The following CKM variants were observed in gnomAD, a reference collection of about 807,000 sequenced individuals.
The protein encoded by CKM is creatine kinase M-type.
A neutral mutation model predicts 35.4 loss-of-function variants in CKM; 28 were observed. The observed-to-expected ratio is 0.79, with a 90% CI of 0.59 to 1.08. CKM has a LOEUF of 1.08. Ranked by LOEUF, CKM falls within the 50% of genes least tolerant of loss-of-function variation. CKM has a pLI of 0.00. For missense variants in CKM, 484 were observed against 509.8 expected (o/e 0.95, Z 0.49); for synonymous variants, 215 against 204.4 (o/e 1.05, Z -0.44).
intron 1 of CKM, 103 bp downstream of exon 1, chr19:45,322,718 T>A: frequency 1.4e-6 from 1 of 696,952 alleles, no homozygotes; most frequent in Non-Finnish European, 1.8e-6. Context: ...AGGATGTTGG[T>A]GGAGCAAGGG....
chr19:45,308,721 C>G (rs561226503), intron 5 of CKM, among the ~76,000 whole-genome samples, 189 bp from the exon 6 acceptor site: 3 of 152,264 alleles, frequency 2.0e-5, no homozygotes, highest in East Asian at 3.9e-4. Context: ...ATCTGCAAAA[C>G]GCTGAATCCT....
At position 45,318,029 on chromosome 19, in the gene CKM, C is replaced by T. The variant is rs555903473; in HGVS notation, c.194-50G>A. The T allele has an allele frequency of 4.4e-5, 70 of 1,583,998 alleles. No individual in the cohort carries two copies. In the African/African-American group the frequency reaches 4.4e-4, roughly 10 times the overall value. ...AGCTGCTTGTCCCCAGCAAACAGGG[C>T]GTGGGCTTGTGGGCTCAGTGGAGCC... On this transcript the variant is annotated intron_variant, in intron 2 of 7. Coordinates refer to ENST00000221476, the MANE Select transcript of CKM (RefSeq NM_001824.5).
rs775597882 is a variant in CKM at position 45,311,777 on chromosome 19, G to C, written c.625C>G (p.Arg209Gly). Residue 209 changes from arginine (R) to glycine (G), a missense_variant, in exon 5 of 8, where the codon CGC becomes GGC. Physicochemically the swap from Arg to Gly is moderately radical, Grantham distance 125. Transcript: ENST00000221476. ...SPLLLASGMARDWPDARGIWH... is the reference protein window; with the variant it reads ...SPLLLASGMAGDWPDARGIWH... ...ATGCCACGGGCGTCGGGCCAGTCGC[G>C]GGCCATGCCTGAGGCCAGCAGCAGC... 3 of 1,600,418 alleles carry C rather than the reference G, an allele frequency of 1.9e-6. No individual in the cohort carries two copies. Among genetic ancestry groups the C allele is most frequent in the African/African-American group, 2.7e-5 (2 of 74,850 alleles).
intron 1 of CKM, 32 bp from the exon 2 acceptor site, chr19:45,319,763 G>C: frequency 1.3e-6 from 2 of 1,519,558 alleles, no homozygotes; most frequent in Non-Finnish European, 1.8e-6. Context: ...GAAGATTGAA[G>C]ATTAGCTGGC....
chr19:45,307,725 C>T lies in CKM; in HGVS notation c.778-75G>A, dbSNP rs2123129862. On this transcript the variant is annotated intron_variant, in intron 6 of 7. Transcript: ENST00000221476. The stretch of plus-strand genomic sequence containing the variant: ...ATGCACCCGCAACATGGACAGGGTC[C>T]GGAGGGACAGGGCGTGGGAACGTGG... The T allele has an allele frequency of 1.2e-5, 15 of 1,282,802 alleles. No homozygotes were observed. The South Asian group carries it at 1.9e-4, about 16-fold the overall frequency. 79.5% of individuals were successfully genotyped at this position (1,282,802 alleles called of 1,614,324 possible). A position where few individuals can be genotyped will look rare whatever the true frequency, so the allele number is the denominator to read the frequency against.
At chr19:45,312,709 T>G (rs1971121634) in intron 4 of CKM, among the ~76,000 whole-genome samples, 1 of 151,890 alleles carries the variant, frequency 6.6e-6, no homozygotes, top group Admixed American at 6.6e-5. Context: ...ATCCCAGCAC[T>G]TTGGGAGGCC....
intron 2 of CKM, 84 bp downstream of exon 2, chr19:45,319,437 T>G: frequency 2.0e-6 from 2 of 1,019,878 alleles, no homozygotes; most frequent in Non-Finnish European, 3.0e-6. Flanking sequence ...CCCCCCCCCC[T>G]TCAAGGGTGG....
chr19:45,313,929 C>A (rs1971132919), intron 4 of CKM, among the ~76,000 whole-genome samples: 1 of 151,938 alleles, frequency 6.6e-6, no homozygotes, highest in South Asian at 2.1e-4. Context: ...GGGAGACCAA[C>A]ATGGGAGGAT....
Position 45,315,617 on chromosome 19 carries a change from T to C in CKM, c.349-20A>G. On this transcript the variant is annotated intron_variant, in intron 3 of 7. Transcript: ENST00000221476. ...TCCACCCTGGAGAGCGGGTGGGAGA[T>C]CAGGACCAGGCAGATCCTCCGCCCT... is the stretch of plus-strand genomic sequence containing the variant. The C allele has an allele frequency of 1.9e-6, 3 of 1,601,772 alleles. No homozygotes were observed. In the South Asian group the frequency reaches 3.3e-5, roughly 18 times the overall value.
In CKM at chr19:45,311,759, G is replaced by C; in HGVS notation, c.643C>G (p.Arg215Gly). Reference sequence around the variant, plus strand: ...GGGGAGGGGCCTCACCAGATGCCACGGGCGTCGGGCCAGTCGCGGGCCATG... The same window carrying C: ...GGGGAGGGGCCTCACCAGATGCCACCGGCGTCGGGCCAGTCGCGGGCCATG... ...SGMARDWPDA[R>G]GIWHNDNKSF... Residue 215 changes from arginine (R) to glycine (G), a missense_variant, in exon 5 of 8, where the codon CGT becomes GGT. Arg to Gly is a moderately radical substitution (Grantham distance 125, BLOSUM62 -2). Transcript: ENST00000221476. 1 of 1,585,134 alleles carries C rather than the reference G, an allele frequency of 6.3e-7. No individual in the cohort carries two copies. The highest frequency in any genetic ancestry group is 8.6e-7 in the Non-Finnish European group (1 of 1,166,614).
chr19:45,307,699 A>G (rs1458467858), intron 6 of CKM, 49 bp from the exon 7 acceptor site: 2 of 1,503,788 alleles, frequency 1.3e-6, no homozygotes, highest in East Asian at 2.3e-5. Flanking sequence ...GGCACCCCCA[A>G]ATGCACCCGC....
rs1244497638 is a variant in CKM, at chr19:45,315,455, G to A, written c.481+10C>T. The A allele has an allele frequency of 1.3e-6, 2 of 1,598,280 alleles. No homozygotes were observed. The highest frequency in any genetic ancestry group is 1.7e-5 in the Admixed American group (1 of 59,880). On this transcript the variant is annotated intron_variant, in intron 4 of 7. Coordinates refer to ENST00000221476, the MANE Select transcript of CKM (RefSeq NM_001824.5). ...GTGACCCCAGCAGTGGACGGGGTAG[G>A]GGCGCTCACCTTCCACAGAGAGCTT...
chr19:45,311,969 AG>A (rs1389672838), intron 4 of CKM, 49 bp from the exon 5 acceptor site: 3 of 1,604,602 alleles, frequency 1.9e-6, no homozygotes, highest in African/African-American at 1.3e-5. Flanking sequence ...CACCTCAACC[AG>A]GGTGTGGAGG....
intron 5 of CKM, among the ~76,000 whole-genome samples, chr19:45,309,499 C>T (rs546041381): frequency 1.4e-5 from 2 of 142,028 alleles, no homozygotes; most frequent in South Asian, 2.2e-4. Context: ...CAGGCTGCAG[C>T]GAGCTATGAT....
At chr19:45,307,946 C>T (rs1463918841) in intron 6 of CKM, among the ~76,000 whole-genome samples, 2 of 151,544 alleles carry the variant, frequency 1.3e-5, no homozygotes, top group Non-Finnish European at 2.9e-5. Context: ...TCACTGCAAC[C>T]TCTGCCTCCC....
intron 3 of CKM, among the ~76,000 whole-genome samples, chr19:45,317,415 G>A (rs1378692625): frequency 2.0e-5 from 3 of 151,994 alleles, no homozygotes; most frequent in African/African-American, 4.8e-5. Flanking sequence ...AGCCTCCCAC[G>A]TAGCTGGGAT....
chr19:45,322,401 G>A (rs183172931), intron 1 of CKM, among the ~76,000 whole-genome samples: 16 of 152,296 alleles, frequency 1.1e-4, no homozygotes, highest in Admixed American at 9.2e-4. Flanking sequence ...AGTAGCAAAC[G>A]CAAAGAAAGC....
chr19:45,306,881 C>T lies in CKM; in HGVS notation c.1015G>A (p.Ala339Thr). 5.6e-6 allele frequency: 9 copies of T among 1,614,194 alleles called. No homozygotes were observed. The highest frequency in any genetic ancestry group is 7.6e-6 in the Non-Finnish European group (9 of 1,180,036). Residue 339 changes from alanine to threonine, a missense_variant, in exon 8 of 8, where the codon GCT becomes ACT. Physicochemically the swap from Ala to Thr is moderately conservative, Grantham distance 58 (BLOSUM62 0). Transcript: ENST00000221476. The surrounding 1 kb of genome is among the most constrained non-coding windows in gnomAD (Gnocchi z 4.5). ...AVGSVFDVSN[A>T]DRLGSSEVEQ... Reference sequence around the variant, plus strand: ...ACTTCGGACGAGCCCAGCCGATCAGCGTTGGACACGTCAAATACTGAGCCC... The same window carrying T: ...ACTTCGGACGAGCCCAGCCGATCAGTGTTGGACACGTCAAATACTGAGCCC...
chr19:45,309,057 C>G (rs1353695701), intron 5 of CKM, among the ~76,000 whole-genome samples: 1 of 150,858 alleles, frequency 6.6e-6, no homozygotes, highest in African/African-American at 2.4e-5. Flanking sequence ...GAAACCCTGT[C>G]TCTACTAAAA....
Sources: gnomAD v4.1 joint callset for allele counts (sites outside exome capture counted in the v4.1 genomes callset) on GRCh38, gnomAD v4.1.1 for gene constraint, Gnocchi (gnomAD v3.1) non-coding constraint, MANE v1.5 for transcripts, NCBI Gene and HGNC (gene_info 2026-07-23, HGNC 2026-07-21) for gene names.